The following CUX2 variants were observed in gnomAD, a reference collection of about 807,000 sequenced individuals.
CUX2 encodes the protein cut like homeobox 2.
In CUX2, 40 loss-of-function variants were observed where a neutral mutation model predicts 144.8. The observed-to-expected ratio is 0.28, with a 90% CI of 0.21 to 0.36. The LOEUF (loss-of-function observed/expected upper bound fraction) is 0.36, where lower values mean the gene tolerates loss of function less well. Among genes scored for constraint, CUX2 ranks in the 10% least tolerant of loss-of-function variants. The pLI is 1.00. For missense variants in CUX2, 1,615 were observed against 1,994.0 expected (o/e 0.81, Z 3.62); for synonymous variants, 827 against 875.6 (o/e 0.94, Z 0.98).
At chr12:111,253,821 C>CT (rs35792441) in intron 3 of CUX2, among the ~76,000 whole-genome samples, 3,477 of 141,194 alleles carry the variant, frequency 0.025, 57 homozygotes, top group Admixed American at 0.035. Context: ...TAGAAACAGC[C>CT]TTTTTTTTTT....
intron 1 of CUX2, among the ~76,000 whole-genome samples, chr12:111,147,517 G>A (rs1876763943): frequency 6.6e-6 from 1 of 152,238 alleles, no homozygotes; most frequent in South Asian, 2.1e-4. Context: ...CTGGGATTAA[G>A]AGCCTTTTTC....
chr12:111,163,819 G>A (rs914002621), intron 1 of CUX2, among the ~76,000 whole-genome samples: 1 of 152,076 alleles, frequency 6.6e-6, no homozygotes, highest in Admixed American at 6.6e-5. Flanking sequence ...GCTGACTCAC[G>A]CCCACCCATG....
rs555793506 is a variant in CUX2 at position 111,147,111 on chromosome 12, G to T, written c.64-67089G>T. Among the ~76,000 whole-genome samples, 12 of 152,324 alleles carry T rather than the reference G, an allele frequency of 7.9e-5. No individual in the cohort carries two copies. In the East Asian group the frequency reaches 2.3e-3, roughly 29 times the overall value. ...GATCATGCCATGCACTGTAGCCTGG[G>T]TGACAGAGCGAGACTCTGTCTCAAA... is the stretch of plus-strand genomic sequence containing the variant. On this transcript the variant is annotated intron_variant, in intron 1 of 21. Coordinates refer to ENST00000261726, the MANE Select transcript of CUX2 (RefSeq NM_015267.4).
At position 111,068,953 on chromosome 12, in the gene CUX2, A is replaced by G. The variant is rs1871135493; in HGVS notation, c.63+34713A>G. Among the ~76,000 whole-genome samples the G allele has an allele frequency of 6.6e-6, 1 of 152,068 alleles. No individual in the cohort carries two copies. The highest frequency in any genetic ancestry group is 2.1e-4 in the South Asian group (1 of 4,814). On this transcript the variant is annotated intron_variant, in intron 1 of 21. Coordinates refer to ENST00000261726, the MANE Select transcript of CUX2 (RefSeq NM_015267.4). This position sits in a 1 kb window ranked among gnomAD's most constrained non-coding sequence, Gnocchi z 4.9. Reference sequence around the variant, plus strand: ...AAACCCCATCTCTACTAATAATACAAAAAATAGCCGGACTGGGTGGCCTGT... The same window carrying G: ...AAACCCCATCTCTACTAATAATACAGAAAATAGCCGGACTGGGTGGCCTGT...
chr12:111,170,829 C>T (rs554639144), intron 1 of CUX2, among the ~76,000 whole-genome samples: 1 of 152,194 alleles, frequency 6.6e-6, no homozygotes, highest in South Asian at 2.1e-4. Flanking sequence ...CTCTCCGTGG[C>T]TGGGTCCCTG....
intron 1 of CUX2, among the ~76,000 whole-genome samples, chr12:111,050,460 T>G (rs1234829614): frequency 6.6e-6 from 1 of 152,194 alleles, no homozygotes; most frequent in Non-Finnish European, 1.5e-5. Context: ...TGACTTTTCT[T>G]GAATGTCTGT....
At chr12:111,214,637 T>C (rs1467981899) in intron 2 of CUX2, among the ~76,000 whole-genome samples, 1 of 152,152 alleles carries the variant, frequency 6.6e-6, no homozygotes, top group African/African-American at 2.4e-5. Flanking sequence ...GTTCTTGATT[T>C]TATTTTGCTT....
At chr12:111,280,626 G>C (rs1885080710) in intron 4 of CUX2, among the ~76,000 whole-genome samples, 1 of 152,106 alleles carries the variant, frequency 6.6e-6, no homozygotes, top group Non-Finnish European at 1.5e-5. Context: ...AGTTCCTTCT[G>C]GAGACTCTGC....
chr12:111,256,239 A>C (rs1883812465), intron 3 of CUX2, among the ~76,000 whole-genome samples: 1 of 144,560 alleles, frequency 6.9e-6, no homozygotes. Flanking sequence ...CCCCCCTCGT[A>C]CTCTTGCCTC....
At position 111,034,762 on chromosome 12, in the gene CUX2, G is replaced by A. The variant is rs1332229332; in HGVS notation, c.63+522G>A. 6.7e-6 allele frequency among the ~76,000 whole-genome samples: 1 copy of A among 150,350 alleles called. No homozygotes were observed. Among genetic ancestry groups the A allele is most frequent in the Non-Finnish European group, 1.5e-5 (1 of 66,994 alleles). On this transcript the variant is annotated intron_variant, in intron 1 of 21. Transcript: ENST00000261726. The surrounding 1 kb of genome is among the most constrained non-coding windows in gnomAD (Gnocchi z 4.2). ...GAGGAGGAGAGAGGAGGAGGGAGCC[G>A]GGGTTGGCGAGGAGGCGGCTCCGCG...
Position 111,035,348 on chromosome 12 carries a change from G to A in CUX2, c.63+1108G>A, listed in dbSNP as rs1052862863. ...CCCTAGATTTGGAGGTGTTCTCTGC[G>A]GACCCCGTAGGAGCCGGGGCTGGGA... On this transcript the variant is annotated intron_variant, in intron 1 of 21. Coordinates refer to ENST00000261726, the MANE Select transcript of CUX2 (RefSeq NM_015267.4). This position sits in a 1 kb window ranked among gnomAD's most constrained non-coding sequence, Gnocchi z 6.0. 2.0e-5 allele frequency among the ~76,000 whole-genome samples: 3 copies of A among 152,064 alleles called. No homozygotes were observed. Among genetic ancestry groups the A allele is most frequent in the Non-Finnish European group, 4.4e-5 (3 of 68,006 alleles).
intron 1 of CUX2, among the ~76,000 whole-genome samples, chr12:111,210,173 T>C (rs907247763): frequency 6.6e-6 from 1 of 152,220 alleles, no homozygotes; most frequent in African/African-American, 2.4e-5. Context: ...AGTGCTGGTT[T>C]ATGTTTGTGA....
intron 1 of CUX2, among the ~76,000 whole-genome samples, chr12:111,110,072 G>A (rs908670148): frequency 2.9e-4 from 43 of 147,960 alleles, no homozygotes; most frequent in Non-Finnish European, 4.9e-4. Flanking sequence ...AAGTAGAGAC[G>A]AGGTCTTGCT....
Position 111,341,910 on chromosome 12 carries a change from G to A in CUX2, c.3516G>A (p.Arg1172=), listed in dbSNP as rs754002548. ...DLSLLQIKKP[R]VVLAPEEKEA... is the part of the protein sequence containing the mutation. ...GCCTCCTGCAGATCAAGAAGCCCCG[G>A]GTGGTGCTGGCACCCGAGGAGAAGG... Residue 1172 remains arginine (R), a synonymous_variant, in exon 21 of 22, where the codon CGG becomes CGA. Coordinates refer to ENST00000261726, the MANE Select transcript of CUX2 (RefSeq NM_015267.4). 31 of 1,613,994 alleles carry A rather than the reference G, an allele frequency of 1.9e-5. No homozygotes were observed. The highest frequency in any genetic ancestry group is 1.8e-5 in the Non-Finnish European group (21 of 1,180,040).
intron 1 of CUX2, among the ~76,000 whole-genome samples, chr12:111,193,206 C>G (rs904681976): frequency 1.3e-5 from 2 of 152,108 alleles, no homozygotes; most frequent in African/African-American, 2.4e-5. Flanking sequence ...GAGAGGGAGA[C>G]GTGGAATTAC....
At chr12:111,341,592 A>C (rs184396151) in intron 20 of CUX2, among the ~76,000 whole-genome samples, 188 bp from the exon 21 acceptor site, 1 of 147,116 alleles carries the variant, frequency 6.8e-6, no homozygotes, top group Non-Finnish European at 1.5e-5. Context: ...GTGGCGGGGG[A>C]TTGGGGGTTG....
At position 111,263,472 on chromosome 12, in the gene CUX2, GGCAGGCACCTGTAGTGGTA is replaced by G. The variant is rs1174214344; in HGVS notation, c.223-275_223-257del. ...TACAAAAAAATTAGCTGGGCATGGTGGCAGGCACCTGTAGTGGTAGCAGGCACCTGTAATCCCAGCTACT... is the reference window on the plus strand; with the variant it reads ...TACAAAAAAATTAGCTGGGCATGGTGGCAGGCACCTGTAATCCCAGCTACT... On this transcript the variant is annotated intron_variant, in intron 3 of 21. Coordinates refer to ENST00000261726, the MANE Select transcript of CUX2 (RefSeq NM_015267.4). This position sits in a 1 kb window ranked among gnomAD's most constrained non-coding sequence, Gnocchi z 4.0. Among the ~76,000 whole-genome samples the G allele has an allele frequency of 6.6e-5, 10 of 152,088 alleles. No homozygotes were observed. Among genetic ancestry groups the G allele is most frequent in the African/African-American group, 2.4e-4 (10 of 41,402 alleles).
chr12:111,345,480 A>C (rs989733958), intron 21 of CUX2, among the ~76,000 whole-genome samples: 6 of 150,040 alleles, frequency 4.0e-5, no homozygotes, highest in African/African-American at 1.5e-4. Flanking sequence ...ACAGTGGCTC[A>C]CACCTGTAAT....
intron 1 of CUX2, among the ~76,000 whole-genome samples, chr12:111,145,090 G>T (rs753330136): frequency 6.6e-6 from 1 of 152,174 alleles, no homozygotes; most frequent in Admixed American, 6.5e-5. Flanking sequence ...TGAGCCATAA[G>T]CATTGATCTT....
Sources: allele counts gnomAD v4.1 joint callset (sites outside exome capture counted in the v4.1 genomes callset), GRCh38; gene constraint gnomAD v4.1.1; non-coding constraint Gnocchi (gnomAD v3.1); transcripts MANE v1.5; gene names NCBI Gene and HGNC (gene_info 2026-07-23, HGNC 2026-07-21).